Variants in DNAH10 observed in about 807,000 individuals in gnomAD.
DNAH10 encodes the protein axonemal beta dynein heavy chain 10.
A neutral mutation model predicts 506.6 loss-of-function variants in DNAH10; 348 were observed. The observed-to-expected ratio is 0.69, with a 90% CI of 0.63 to 0.75. DNAH10 has a LOEUF of 0.75. Ranked by LOEUF, DNAH10 falls within the 30% of genes least tolerant of loss-of-function variation. The pLI, the probability that DNAH10 is intolerant of heterozygous loss-of-function variation, is 0.00. For synonymous variants in DNAH10, 2,059 were observed against 2,198.6 expected, an observed-to-expected ratio of 0.94 and a Z score of 1.78; for missense variants, 5,179 against 5,787.1, an observed-to-expected ratio of 0.89 and a Z score of 3.41.
chr12:123,847,866 A>G (rs945985109), intron 32 of DNAH10, 95 bp from the exon 33 acceptor site: 16 of 1,481,230 alleles, frequency 1.1e-5, no homozygotes, highest in South Asian at 1.3e-5. Context: ...TTCTTTCTCT[A>G]TTCTGCACCT....
intron 6 of DNAH10, among the ~76,000 whole-genome samples, chr12:123,781,870 C>T (rs1233989113): frequency 1.3e-5 from 2 of 150,970 alleles, no homozygotes; most frequent in Non-Finnish European, 3.0e-5. Flanking sequence ...TCCCCCTTTA[C>T]GTAAGCTTTT....
intron 1 of DNAH10, among the ~76,000 whole-genome samples, chr12:123,766,777 T>C (rs1957062570): frequency 6.6e-6 from 1 of 152,238 alleles, no homozygotes; most frequent in South Asian, 2.1e-4. Flanking sequence ...ACATTTGATA[T>C]TGGCCATTTT....
intron 4 of DNAH10, among the ~76,000 whole-genome samples, 181 bp downstream of exon 4, chr12:123,773,123 T>C (rs188422788): frequency 6.6e-6 from 1 of 152,330 alleles, no homozygotes; most frequent in African/African-American, 2.4e-5. Context: ...AGTAAAGAAG[T>C]GTTAGAGATA....
chr12:123,928,032 C>T lies in DNAH10; in HGVS notation c.12106-355C>T, dbSNP rs554244189. 5 of 358,192 alleles carry T rather than the reference C, an allele frequency of 1.4e-5. No homozygotes were observed. Among genetic ancestry groups the T allele is most frequent in the East Asian group, 1.1e-4 (2 of 18,198 alleles). The allele number at this position is 358,192 out of a possible 1,614,324, so 22.2% of individuals were successfully genotyped here. A position where few individuals can be genotyped will look rare whatever the true frequency, so the allele number is the denominator to read the frequency against. On this transcript the variant is annotated intron_variant, in intron 69 of 78. Transcript: ENST00000673944. The surrounding 1 kb of genome is among the most constrained non-coding windows in gnomAD (Gnocchi z 4.9). Reference sequence around the variant, plus strand: ...GATCTTACAGTGGCCAGGACAGTCCCGACTTCCTGGTGGGCTTTAGCTGGT... The same window carrying T: ...GATCTTACAGTGGCCAGGACAGTCCTGACTTCCTGGTGGGCTTTAGCTGGT...
intron 18 of DNAH10, among the ~76,000 whole-genome samples, chr12:123,806,149 A>G (rs1958667404): frequency 6.6e-6 from 1 of 152,072 alleles, no homozygotes; most frequent in South Asian, 2.1e-4. Context: ...TACGGACTCT[A>G]TGGATTGTTA....
At chr12:123,790,199 G>C in intron 11 of DNAH10, 78 bp downstream of exon 11, 1 of 1,387,686 alleles carries the variant, frequency 7.2e-7, no homozygotes, top group Non-Finnish European at 9.8e-7. Flanking sequence ...GGGTTATTTA[G>C]TGATGCTTAG....
rs7967563 is a variant in DNAH10, at chr12:123,850,746, G to A, written c.6103-142G>A. 3 of 884,116 alleles carry A rather than the reference G, an allele frequency of 3.4e-6. No homozygotes were observed. The highest frequency in any genetic ancestry group is 5.0e-6 in the Non-Finnish European group (3 of 600,284). The allele number at this position is 884,116 out of a possible 1,614,324, so 54.8% of individuals were successfully genotyped here. On this transcript the variant is annotated intron_variant, in intron 34 of 78. Transcript: ENST00000673944. The surrounding 1 kb of genome is among the most constrained non-coding windows in gnomAD (Gnocchi z 5.5). ...GGGGGGCCCTGCATTGAACACCGGG[G>A]AGGGAAAAAGAGACAAGTGGTGTTG...
Position 123,864,612 on chromosome 12 carries a change from G to A in DNAH10, c.6926G>A (p.Gly2309Asp), listed in dbSNP as rs1329591555. 6.2e-7 allele frequency: 1 copy of A among 1,613,826 alleles called. No individual in the cohort carries two copies. The highest frequency in any genetic ancestry group is 8.5e-7 in the Non-Finnish European group (1 of 1,179,852). The change falls in exon 40 of 79, where the codon GGT (glycine) becomes GAT (aspartate). Residue 2309 changes from glycine (G) to aspartate (D), a missense_variant. Gly to Asp is a moderately conservative substitution (Grantham distance 94). Transcript: ENST00000673944. Reference protein sequence around the residue: ...KKERKYILFDGDVDALWVENM... With the variant: ...KKERKYILFDDDVDALWVENM... ...TGCTGCAGGTATATTTTATTTGATG[G>A]TGATGTGGATGCTCTATGGGTGGAA...
chr12:123,837,976 A>G (rs1334674573), intron 28 of DNAH10, among the ~76,000 whole-genome samples: 1 of 152,098 alleles, frequency 6.6e-6, no homozygotes, highest in Non-Finnish European at 1.5e-5. Flanking sequence ...ATTATCACTC[A>G]CAGCAGATGA....
chr12:123,925,000 C>G (rs1162748209), intron 67 of DNAH10, 50 bp from the exon 68 acceptor site: 2 of 1,605,108 alleles, frequency 1.2e-6, no homozygotes, highest in Middle Eastern at 1.7e-4. Context: ...AAATGGGGAC[C>G]TATGTCATTT....
intron 24 of DNAH10, among the ~76,000 whole-genome samples, chr12:123,823,850 CTTTCTGGTTTTT>C (rs1266785422): frequency 6.6e-6 from 1 of 152,024 alleles, no homozygotes; most frequent in Non-Finnish European, 1.5e-5. Context: ...CTTATTCATT[CTTTCTGGTTTTT>C]TTTTCTGTAG....
intron 32 of DNAH10, among the ~76,000 whole-genome samples, chr12:123,847,117 T>C (rs1950976254): frequency 6.6e-6 from 1 of 151,786 alleles, no homozygotes; most frequent in Non-Finnish European, 1.5e-5. Flanking sequence ...ATCTTATCCA[T>C]CCATCCGTGC....
intron 41 of DNAH10, 149 bp from the exon 42 acceptor site, chr12:123,867,318 G>A: frequency 3.8e-6 from 3 of 788,130 alleles, no homozygotes; most frequent in Non-Finnish European, 5.9e-6. Flanking sequence ...TGCAAATATA[G>A]GGCACTATTA....
At chr12:123,896,148 C>CACACACACACACACAG (rs1383690518) in intron 54 of DNAH10, among the ~76,000 whole-genome samples, 12 of 95,270 alleles carry the variant, frequency 1.3e-4, no homozygotes, top group South Asian at 3.7e-4. Flanking sequence ...CACACACACA[C>CACACACACACACACAG]AGAGAGAGAG....
At chr12:123,927,650 G>C (rs547802536) in intron 69 of DNAH10, 1 of 152,450 alleles carries the variant, frequency 6.6e-6, no homozygotes, top group African/African-American at 2.4e-5. Flanking sequence ...AAGTCTGTGC[G>C]TCAGTAAGTG....
intron 56 of DNAH10, among the ~76,000 whole-genome samples, chr12:123,899,650 A>T (rs1953426561): frequency 6.6e-6 from 1 of 152,196 alleles, no homozygotes; most frequent in African/African-American, 2.4e-5. Flanking sequence ...CAGACCAATT[A>T]GATGTTCTCT....
At chr12:123,896,434 T>C (rs1953248187) in intron 54 of DNAH10, among the ~76,000 whole-genome samples, 1 of 152,124 alleles carries the variant, frequency 6.6e-6, no homozygotes, top group African/African-American at 2.4e-5. Context: ...TATCAGATAA[T>C]CCAGGTGATG....
At chr12:123,877,954 G>C in intron 48 of DNAH10, 46 bp downstream of exon 48, 1 of 1,584,118 alleles carries the variant, frequency 6.3e-7, no homozygotes, top group African/African-American at 1.4e-5. Flanking sequence ...AGGTATGATA[G>C]TTTTCTTATT....
At chr12:123,772,981 G>T in intron 4 of DNAH10, 39 bp downstream of exon 4, 1 of 1,432,530 alleles carries the variant, frequency 7.0e-7, no homozygotes, top group Non-Finnish European at 9.7e-7. Context: ...TGTGTTGAGG[G>T]GGTGTGGTTG....
Sources: gnomAD v4.1 joint callset for allele counts (sites outside exome capture counted in the v4.1 genomes callset) on GRCh38, gnomAD v4.1.1 for gene constraint, Gnocchi (gnomAD v3.1) non-coding constraint, MANE v1.5 for transcripts, NCBI Gene and HGNC (gene_info 2026-07-23, HGNC 2026-07-21) for gene names.